The following LAMC3 variants were observed in gnomAD, a reference collection of about 807,000 sequenced individuals.
The protein encoded by LAMC3 is laminin subunit gamma-3.
Under a neutral mutation model 173.8 loss-of-function variants are expected in LAMC3, and 128 were observed. The ratio of observed to expected loss-of-function variants is 0.74; its 90% confidence interval spans 0.64 to 0.85. The LOEUF is 0.85. LAMC3 is among the 40% of genes least tolerant of loss of function. The pLI, the probability that LAMC3 is intolerant of heterozygous loss-of-function variation, is 0.00. For synonymous variants in LAMC3, 897 were observed against 909.1 expected (o/e 0.99, Z 0.24); for missense variants, 2,022 against 2,156.0 (o/e 0.94, Z 1.23).
Position 131,029,178 on chromosome 9 carries a change from G to C in LAMC3, c.678+2589G>C, listed in dbSNP as rs185862669. Among the ~76,000 whole-genome samples, 2 of 152,344 alleles carry C rather than the reference G, an allele frequency of 1.3e-5. No individual in the cohort carries two copies. Among genetic ancestry groups the C allele is most frequent in the Admixed American group, 6.5e-5 (1 of 15,308 alleles). On this transcript the variant is annotated intron_variant, in intron 2 of 27. Transcript: ENST00000361069. The surrounding 1 kb of genome is among the most constrained non-coding windows in gnomAD (Gnocchi z 4.6). The stretch of plus-strand genomic sequence containing the variant: ...CAAGGATATGGAGGTCACTCCCCTG[G>C]ATCCAGGGCAAAGGGCCAGGCCCCT...
At chr9:131,047,028 C>T (rs1390475416) in intron 8 of LAMC3, among the ~76,000 whole-genome samples, 1 of 152,126 alleles carries the variant, frequency 6.6e-6, no homozygotes, top group Non-Finnish European at 1.5e-5. Flanking sequence ...TTTCTAGACC[C>T]TAAGAACAGT....
intron 1 of LAMC3, among the ~76,000 whole-genome samples, chr9:131,015,773 A>G (rs1043115344): frequency 2.0e-5 from 3 of 152,150 alleles, no homozygotes; most frequent in Non-Finnish European, 4.4e-5. Flanking sequence ...CTCCTGCTTC[A>G]GCCTCCCAAG....
At chr9:131,070,529 G>A (rs1048937844) in intron 17 of LAMC3, among the ~76,000 whole-genome samples, 1 of 152,178 alleles carries the variant, frequency 6.6e-6, no homozygotes, top group African/African-American at 2.4e-5. Flanking sequence ...TGGACAACAT[G>A]GTGAAACCCT....
chr9:131,031,997 C>T, intron 2 of LAMC3, 48 bp from the exon 3 acceptor site: 1 of 1,613,834 alleles, frequency 6.2e-7, no homozygotes, highest in Non-Finnish European at 8.5e-7. Flanking sequence ...GGGGTAAATA[C>T]TAAATACTCA....
At chr9:131,079,747 A>G (rs1397906506) in intron 23 of LAMC3, among the ~76,000 whole-genome samples, 1 of 152,036 alleles carries the variant, frequency 6.6e-6, no homozygotes, top group Admixed American at 6.6e-5. Context: ...GCCTCCTGCA[A>G]AACTCCACAT....
chr9:131,033,006 C>T (rs958903901), intron 3 of LAMC3, among the ~76,000 whole-genome samples: 10 of 152,324 alleles, frequency 6.6e-5, no homozygotes, highest in South Asian at 4.1e-4. Flanking sequence ...TAGAGAAAGG[C>T]GCTTCTCTCT....
intron 7 of LAMC3, 83 bp from the exon 8 acceptor site, chr9:131,045,441 T>C: frequency 6.6e-7 from 1 of 1,507,308 alleles, no homozygotes; most frequent in Non-Finnish European, 9.2e-7. Flanking sequence ...TAGACTCTCA[T>C]TGGTCCAGCT....
chr9:131,041,837 C>A, intron 7 of LAMC3, 102 bp downstream of exon 7: 4 of 966,232 alleles, frequency 4.1e-6, no homozygotes, highest in South Asian at 1.4e-5. Context: ...GGGGCACGGT[C>A]TTCATGGACT....
At chr9:131,056,730 T>A (rs1834413344) in intron 11 of LAMC3, among the ~76,000 whole-genome samples, 199 bp from the exon 12 acceptor site, 1 of 152,016 alleles carries the variant, frequency 6.6e-6, no homozygotes, top group Admixed American at 6.5e-5. Context: ...GAGTCGAGGC[T>A]ACAGAGCTAT....
At chr9:131,043,539 A>G (rs1371183774) in intron 7 of LAMC3, among the ~76,000 whole-genome samples, 1 of 152,248 alleles carries the variant, frequency 6.6e-6, no homozygotes, top group Non-Finnish European at 1.5e-5. Flanking sequence ...AAGAGCTCTC[A>G]GGGCTGAAAC....
Position 131,042,192 on chromosome 9 carries a change from T to A in LAMC3, c.1382+457T>A, listed in dbSNP as rs201390352. ...TCCCGTTTCACACCCACAGCAGACA[T>A]CACTCATGGAGTATTATCAACGCTC... is the stretch of plus-strand genomic sequence containing the variant. On this transcript the variant is annotated intron_variant, in intron 7 of 27. Transcript: ENST00000361069. 5.3e-5 allele frequency among the ~76,000 whole-genome samples: 8 copies of A among 151,938 alleles called. No homozygotes were observed. In the East Asian group the frequency reaches 9.7e-4, roughly 18 times the overall value.
chr9:131,018,402 T>C (rs1297716398), intron 1 of LAMC3, among the ~76,000 whole-genome samples: 2 of 151,988 alleles, frequency 1.3e-5, no homozygotes, highest in Non-Finnish European at 2.9e-5. Flanking sequence ...CCCAAAGTGC[T>C]GGGATTACAG....
chr9:131,056,953 G>A lies in LAMC3; in HGVS notation c.1964G>A (p.Arg655Gln), dbSNP rs760602949. The change falls in exon 12 of 28, where the codon CGG becomes CAG. Residue 655 changes from arginine (R) to glutamine (Q), a missense_variant. Coordinates refer to ENST00000361069, the MANE Select transcript of LAMC3 (RefSeq NM_006059.4). Reference protein sequence around the residue: ...PAGPVFLTEVRLTSARPGLSP... With the variant: ...PAGPVFLTEVQLTSARPGLSP... ...GGTCCAGTGTTCCTGACTGAGGTCCGGCTCACATCCGCCCGGCCAGGGCTT... is the reference window on the plus strand; with the variant it reads ...GGTCCAGTGTTCCTGACTGAGGTCCAGCTCACATCCGCCCGGCCAGGGCTT... 1.1e-5 allele frequency: 17 copies of A among 1,613,178 alleles called. No homozygotes were observed. The East Asian group carries it at 1.6e-4, about 15-fold the overall frequency.
In LAMC3 at chr9:131,009,325, G is replaced by T. The variant is rs1290278984; in HGVS notation, c.111G>T (p.Pro37=). 1 of 1,479,848 alleles carries T rather than the reference G, an allele frequency of 6.8e-7. No homozygotes were observed. Among genetic ancestry groups the T allele is most frequent in the South Asian group, 1.3e-5 (1 of 77,962 alleles). 91.7% of individuals were successfully genotyped at this position (1,479,848 alleles called of 1,614,324 possible). The part of the protein sequence containing the change: ...DGAGRPQRCL[P]VFENAAFGRL... The stretch of plus-strand genomic sequence containing the variant: ...CAGGGCGCCCGCAGCGCTGCCTGCC[G>T]GTGTTCGAGAACGCGGCGTTTGGGC... The change falls in exon 1 of 28, where the codon CCG becomes CCT. Residue 37 remains proline, a synonymous_variant. Coordinates refer to ENST00000361069, the MANE Select transcript of LAMC3 (RefSeq NM_006059.4). The surrounding 1 kb of genome is among the most constrained non-coding windows in gnomAD (Gnocchi z 4.3).
chr9:131,014,359 T>A (rs1485679776), intron 1 of LAMC3, among the ~76,000 whole-genome samples: 2 of 152,226 alleles, frequency 1.3e-5, no homozygotes, highest in African/African-American at 4.8e-5. Flanking sequence ...AACCATTGCA[T>A]GTCTGCCGAT....
rs1834080774 is a variant in LAMC3, at chr9:131,042,878, C to T, written c.1382+1143C>T. On this transcript the variant is annotated intron_variant, in intron 7 of 27. Coordinates refer to ENST00000361069, the MANE Select transcript of LAMC3 (RefSeq NM_006059.4). ...ACTAAGGGAGCACTATCACAACCCTCCCCTTTCATACCCACAGCAGACATC... is the reference window on the plus strand; with the variant it reads ...ACTAAGGGAGCACTATCACAACCCTTCCCTTTCATACCCACAGCAGACATC... Among the ~76,000 whole-genome samples the T allele has an allele frequency of 3.9e-5, 6 of 151,982 alleles. No homozygotes were observed. The South Asian group carries it at 8.3e-4, about 21-fold the overall frequency.
At chr9:131,043,699 A>G (rs1251142054) in intron 7 of LAMC3, among the ~76,000 whole-genome samples, 1 of 152,258 alleles carries the variant, frequency 6.6e-6, no homozygotes, top group Non-Finnish European at 1.5e-5. Flanking sequence ...AATTCCAAGT[A>G]ATGAATGTAG....
At position 131,010,690 on chromosome 9, in the gene LAMC3, G is replaced by C. The variant is rs1833399008; in HGVS notation, c.373+1103G>C. Among the ~76,000 whole-genome samples, 3 of 152,244 alleles carry C rather than the reference G, an allele frequency of 2.0e-5. No individual in the cohort carries two copies. In the South Asian group the frequency reaches 6.2e-4, roughly 32 times the overall value. On this transcript the variant is annotated intron_variant, in intron 1 of 27. Transcript: ENST00000361069. ...TGCACAGGCAAAGTTTAACCCTCTG[G>C]GGAGGAGGACTAAGTTTCTTCGTGC...
At chr9:131,070,675 C>T (rs1010374484) in intron 17 of LAMC3, among the ~76,000 whole-genome samples, 3 of 152,078 alleles carry the variant, frequency 2.0e-5, no homozygotes, top group Non-Finnish European at 4.4e-5. Context: ...CATGACTGCA[C>T]TGCACTCCAG....
Sources: allele counts gnomAD v4.1 joint callset (sites outside exome capture counted in the v4.1 genomes callset), GRCh38; gene constraint gnomAD v4.1.1; non-coding constraint Gnocchi (gnomAD v3.1); transcripts MANE v1.5; gene names NCBI Gene and HGNC (gene_info 2026-07-23, HGNC 2026-07-21).